Variants in CHIC1 observed in about 807,000 individuals in gnomAD.
CHIC1 encodes the protein cysteine rich hydrophobic domain 1, also known as cysteine-rich hydrophobic domain-containing protein 1.
In CHIC1, 7 loss-of-function variants were observed where a neutral mutation model predicts 18.5. The ratio of observed to expected loss-of-function variants is 0.38; its 90% CI spans 0.22 to 0.71. The LOEUF (loss-of-function observed/expected upper bound fraction) is 0.71, where lower values mean the gene tolerates loss of function less well. Among genes scored for constraint, CHIC1 ranks in the 30% least tolerant of loss-of-function variants. The probability of loss-of-function intolerance (pLI) is 0.49; values close to 1 mark genes in which losing one functional copy is unlikely to be tolerated. For missense variants in CHIC1, 159 were observed against 176.9 expected, an observed-to-expected ratio of 0.90 and a Z score of 0.57; for synonymous variants, 77 against 73.5, an observed-to-expected ratio of 1.05 and a Z score of -0.25.
rs896504562 is a variant in CHIC1 at position 73,683,329 on chromosome X, A to G, written c.*2324A>G. 4 of 111,854 alleles carry G rather than the reference A, an allele frequency of 3.6e-5. No individual in the cohort carries two copies. Among genetic ancestry groups the G allele is most frequent in the African/African-American group, 1.3e-4 (4 of 30,920 alleles). 9.2% of individuals were successfully genotyped at this position (111,854 alleles called of 1,213,427 possible). A position where few individuals can be genotyped will look rare whatever the true frequency, so the allele number is the denominator to read the frequency against. ...TTAGTTTCTTCAACTACCCAAAAAA[A>G]TACCAATTTTTTTCCTCTCTTGTAT... On this transcript the variant is annotated 3_prime_UTR_variant, in exon 6 of 6. Coordinates refer to ENST00000373502, the MANE Select transcript of CHIC1 (RefSeq NM_001039840.4).
chrX:73,577,351 A>T, intron 1 of CHIC1, 56 bp from the exon 2 acceptor site: 1 of 925,145 alleles, frequency 1.1e-6, no homozygotes, highest in Non-Finnish European at 1.5e-6. Context: ...TTTAAAAAAA[A>T]GGGAAGATTT....
Position 73,599,908 on chromosome X carries a change from G to A in CHIC1, c.507+15336G>A, listed in dbSNP as rs1471644397. 4.4e-4 allele frequency among the ~76,000 whole-genome samples: 43 copies of A among 96,954 alleles called. 1 individual carries two copies. Among genetic ancestry groups the A allele is most frequent in the African/African-American group, 1.7e-3 (40 of 22,941 alleles). 84.2% of individuals were successfully genotyped at this position (96,954 alleles called of 115,157 possible). ...GCTTGATGGGGATGGCATTGAATCTGTAAATTACCTTGGGCAGTATGGCCA... is the reference window on the plus strand; with the variant it reads ...GCTTGATGGGGATGGCATTGAATCTATAAATTACCTTGGGCAGTATGGCCA... On this transcript the variant is annotated intron_variant, in intron 3 of 5. Coordinates refer to ENST00000373502, the MANE Select transcript of CHIC1 (RefSeq NM_001039840.4).
At chrX:73,647,780 C>T (rs1191916745) in intron 3 of CHIC1, among the ~76,000 whole-genome samples, 1 of 112,469 alleles carries the variant, frequency 8.9e-6, no homozygotes, top group Non-Finnish European at 1.9e-5. Context: ...CTTAGCCTTT[C>T]CTCCTGCTAC....
rs370930878 is a variant in CHIC1 at position 73,564,791 on chromosome X, G to GTTTT, written c.296+1231_296+1234dup. 3.2e-3 allele frequency among the ~76,000 whole-genome samples: 189 copies of GTTTT among 58,352 alleles called. 3 individuals are homozygous for GTTTT. Among genetic ancestry groups the GTTTT allele is most frequent in the African/African-American group, 3.7e-3 (47 of 12,823 alleles). 50.7% of individuals were successfully genotyped at this position (58,352 alleles called of 115,157 possible). ...TTAGCTTCAATTTTTAACATGTTGA[G>GTTTT]TTTTTTTTTTTTTTTTTTTTTTTGA... On this transcript the variant is annotated intron_variant, in intron 1 of 5. Transcript: ENST00000373502.
rs1323136120 is a variant in CHIC1 at position 73,587,272 on chromosome X, G to A, written c.507+2700G>A. ...ATGAGAATTTTCTCTAGCAAATTAGGTGATAAAGAAATATAGGTCAGAGTG... is the reference window on the plus strand; with the variant it reads ...ATGAGAATTTTCTCTAGCAAATTAGATGATAAAGAAATATAGGTCAGAGTG... On this transcript the variant is annotated intron_variant, in intron 3 of 5. Coordinates refer to ENST00000373502, the MANE Select transcript of CHIC1 (RefSeq NM_001039840.4). Among the ~76,000 whole-genome samples the A allele has an allele frequency of 6.3e-5, 7 of 111,697 alleles. No homozygotes were observed. The East Asian group carries it at 2.0e-3, about 32-fold the overall frequency.
Position 73,685,731 on chromosome X carries a change from T to C in CHIC1, c.*4726T>C, listed in dbSNP as rs757103536. ...CTGGATATCATAATTATATAATTTC[T>C]AAATAGATTTCTTTAAATCCATGCT... On this transcript the variant is annotated 3_prime_UTR_variant, in exon 6 of 6. Coordinates refer to ENST00000373502, the MANE Select transcript of CHIC1 (RefSeq NM_001039840.4). The C allele has an allele frequency of 9.8e-5, 11 of 112,050 alleles. No individual in the cohort carries two copies. Among genetic ancestry groups the C allele is most frequent in the Non-Finnish European group, 1.9e-4 (10 of 53,042 alleles). The allele number at this position is 112,050 out of a possible 1,213,427, so 9.2% of individuals were successfully genotyped here. A position where few individuals can be genotyped will look rare whatever the true frequency, so the allele number is the denominator to read the frequency against.
Position 73,684,889 on chromosome X carries a change from C to A in CHIC1, c.*3884C>A, listed in dbSNP as rs60232124. Reference sequence around the variant, plus strand: ...TTTTTCTTACCTGATTCTGAGCCAGCCTTTTTGTTTTGATGGCACCCTGTG... The same window carrying A: ...TTTTTCTTACCTGATTCTGAGCCAGACTTTTTGTTTTGATGGCACCCTGTG... On this transcript the variant is annotated 3_prime_UTR_variant, in exon 6 of 6. Coordinates refer to ENST00000373502, the MANE Select transcript of CHIC1 (RefSeq NM_001039840.4). 151 of 111,047 alleles carry A rather than the reference C, an allele frequency of 1.4e-3. No homozygotes were observed. Among genetic ancestry groups the A allele is most frequent in the African/African-American group, 4.6e-3 (140 of 30,699 alleles). 9.2% of individuals were successfully genotyped at this position (111,047 alleles called of 1,213,427 possible).
intron 3 of CHIC1, among the ~76,000 whole-genome samples, chrX:73,669,149 G>A (rs940517395): frequency 3.6e-5 from 4 of 111,467 alleles, no homozygotes; most frequent in Non-Finnish European, 7.5e-5. Context: ...CTGCCCCTGT[G>A]TGCTTGGACT....
At chrX:73,567,736 G>T (rs2057451631) in intron 1 of CHIC1, among the ~76,000 whole-genome samples, 1 of 110,053 alleles carries the variant, frequency 9.1e-6, no homozygotes, top group African/African-American at 3.3e-5. Context: ...TGGACCCTGT[G>T]TATCTATCAG....
intron 3 of CHIC1, among the ~76,000 whole-genome samples, chrX:73,636,911 A>G (rs187651607): frequency 9.0e-6 from 1 of 111,453 alleles, no homozygotes; most frequent in African/African-American, 3.3e-5. Flanking sequence ...CATTTGTTTT[A>G]TAGAAATAAA....
At chrX:73,670,451 T>C (rs1453980331) in intron 3 of CHIC1, among the ~76,000 whole-genome samples, 2 of 110,492 alleles carry the variant, frequency 1.8e-5, no homozygotes, top group African/African-American at 6.5e-5. Flanking sequence ...TTTTCTTTCA[T>C]TTATCTTTCA....
At chrX:73,653,361 A>G (rs1472028334) in intron 3 of CHIC1, among the ~76,000 whole-genome samples, 1 of 111,573 alleles carries the variant, frequency 9.0e-6, no homozygotes, top group Non-Finnish European at 1.9e-5. Context: ...TAACAAGAAA[A>G]TCAGTTGGCT....
In CHIC1 at chrX:73,681,915, C is replaced by CTGA. The variant is rs749868155; in HGVS notation, c.*911_*913dup. ...TTCCCACAAAAAAACTATTTGACAT[C>CTGA]TGACACATTTCACAGTCTCACTATC... On this transcript the variant is annotated 3_prime_UTR_variant, in exon 6 of 6. Transcript: ENST00000373502. The CTGA allele has an allele frequency of 2.7e-5, 3 of 111,975 alleles. No individual in the cohort carries two copies. The highest frequency in any genetic ancestry group is 9.7e-5 in the African/African-American group (3 of 30,952). 9.2% of individuals were successfully genotyped at this position (111,975 alleles called of 1,213,427 possible). A position where few individuals can be genotyped will look rare whatever the true frequency, so the allele number is the denominator to read the frequency against.
At chrX:73,622,316 T>C (rs766094749) in intron 3 of CHIC1, among the ~76,000 whole-genome samples, 1 of 111,728 alleles carries the variant, frequency 9.0e-6, no homozygotes, top group South Asian at 3.7e-4. Context: ...GCTGTGAATC[T>C]GTCTGGCCCT....
At chrX:73,630,278 TG>T (rs2057801239) in intron 3 of CHIC1, among the ~76,000 whole-genome samples, 1 of 111,644 alleles carries the variant, frequency 9.0e-6, no homozygotes, top group African/African-American at 3.3e-5. Flanking sequence ...CTAATTGCAC[TG>T]GCTATGACTT....
chrX:73,600,593 A>G (rs1211929904), intron 3 of CHIC1, among the ~76,000 whole-genome samples: 1 of 108,393 alleles, frequency 9.2e-6, no homozygotes, highest in Non-Finnish European at 1.9e-5. Context: ...TGAGATAATC[A>G]TGTGGTTTTT....
intron 3 of CHIC1, among the ~76,000 whole-genome samples, chrX:73,635,414 T>C (rs2147596409): frequency 8.9e-6 from 1 of 112,245 alleles, no homozygotes; most frequent in South Asian, 3.7e-4. Context: ...GTTCTTTCAA[T>C]TTTTGGAAGA....
intron 3 of CHIC1, among the ~76,000 whole-genome samples, chrX:73,612,396 G>C (rs1201113680): frequency 9.0e-6 from 1 of 111,458 alleles, no homozygotes; most frequent in Admixed American, 9.5e-5. Flanking sequence ...GCAGTGTTAG[G>C]TTGTTATTTT....
intron 1 of CHIC1, among the ~76,000 whole-genome samples, chrX:73,575,103 A>G (rs1439550354): frequency 1.8e-5 from 2 of 110,234 alleles, no homozygotes; most frequent in African/African-American, 6.5e-5. Flanking sequence ...CACTGATTAG[A>G]TTTCATTATG....
Sources: allele counts gnomAD v4.1 joint callset (sites outside exome capture counted in the v4.1 genomes callset), GRCh38; gene constraint gnomAD v4.1.1; transcripts MANE v1.5; gene names NCBI Gene and HGNC (gene_info 2026-07-23, HGNC 2026-07-21).